Variants in CCDC149 observed in about 807,000 individuals in gnomAD.
CCDC149 encodes the protein coiled-coil domain containing 149.
A neutral mutation model predicts 59.9 loss-of-function variants in CCDC149; 45 were observed. The ratio of observed to expected loss-of-function variants is 0.75; its 90% CI spans 0.59 to 0.96. The LOEUF (loss-of-function observed/expected upper bound fraction) is 0.96. Among genes scored for constraint, CCDC149 ranks in the 40% least tolerant of loss-of-function variants. The pLI is 0.00. For missense variants in CCDC149, 584 were observed against 664.7 expected (o/e 0.88, Z 1.33); for synonymous variants, 245 against 260.6 (o/e 0.94, Z 0.58).
Position 24,822,522 on chromosome 4 carries a change from T to C in CCDC149, c.1017A>G (p.Glu339=), listed in dbSNP as rs1350077207. 2 of 1,538,702 alleles carry C rather than the reference T, an allele frequency of 1.3e-6. No individual in the cohort carries two copies. Among genetic ancestry groups the C allele is most frequent in the East Asian group, 2.5e-5 (1 of 39,974 alleles). The change falls in exon 10 of 13, where the codon GAA becomes GAG. Residue 339 remains glutamate, a synonymous_variant. Coordinates refer to ENST00000635206, the MANE Select transcript of CCDC149 (RefSeq NM_001330643.2). ...CTGGAAGACTCCACAAACCAGAAAC[T>C]TCCAGAGTTCTTAATTTTTTTTCCA...
intron 3 of CCDC149, among the ~76,000 whole-genome samples, chr4:24,863,052 G>A (rs978387967): frequency 2.6e-5 from 4 of 152,202 alleles, no homozygotes; most frequent in Non-Finnish European, 5.9e-5. Context: ...CAGCACTTTG[G>A]GGGGCTGAGG....
chr4:24,975,563 G>A (rs1364304013), intron 1 of CCDC149, among the ~76,000 whole-genome samples: 1 of 135,142 alleles, frequency 7.4e-6, no homozygotes, highest in Admixed American at 7.1e-5. Flanking sequence ...AAGGAGAGGA[G>A]AGGGGAGGGG....
intron 1 of CCDC149, among the ~76,000 whole-genome samples, chr4:24,900,394 C>T (rs899259549): frequency 2.6e-5 from 4 of 152,164 alleles, no homozygotes; most frequent in Non-Finnish European, 5.9e-5. Context: ...TAGAGCTATA[C>T]GTGGGCAGGC....
chr4:24,903,497 TAGAG>T (rs1040800546), intron 1 of CCDC149, among the ~76,000 whole-genome samples: 16 of 152,148 alleles, frequency 1.1e-4, no homozygotes, highest in African/African-American at 3.1e-4. Flanking sequence ...GCTCGGGAAT[TAGAG>T]AGGCAAGGAG....
upstream of CCDC149, among the ~76,000 whole-genome samples, chr4:24,917,994 G>A (rs1464952548): frequency 6.6e-6 from 1 of 151,936 alleles, no homozygotes; most frequent in East Asian, 1.9e-4. Flanking sequence ...GGGGGTCACT[G>A]GCCTCTCCTG....
intron 12 of CCDC149, 131 bp downstream of exon 12, chr4:24,819,728 A>G (rs1168003930): frequency 1.4e-6 from 1 of 739,288 alleles, no homozygotes; most frequent in African/African-American, 1.7e-5. Context: ...AACAAGAGGA[A>G]ATCTGAGGAA....
intron 4 of CCDC149, among the ~76,000 whole-genome samples, chr4:24,848,141 G>A (rs1717424933): frequency 6.6e-6 from 1 of 152,146 alleles, no homozygotes; most frequent in Non-Finnish European, 1.5e-5. Flanking sequence ...CCCTGCTGGA[G>A]AGATACAAAT....
In CCDC149 at chr4:24,835,463, G is replaced by A. The variant is rs184827429; in HGVS notation, c.736-431C>T. 4.6e-5 allele frequency among the ~76,000 whole-genome samples: 7 copies of A among 152,270 alleles called. No homozygotes were observed. In the South Asian group the frequency reaches 6.2e-4, roughly 14 times the overall value. On this transcript the variant is annotated intron_variant, in intron 7 of 12. Coordinates refer to ENST00000635206, the MANE Select transcript of CCDC149 (RefSeq NM_001330643.2). ...CCATGATCAATTAGTGATGTCTGCC[G>A]TGGATACAGATTAAGGAAGTACATA...
chr4:24,835,998 T>C (rs1277019108), intron 7 of CCDC149, among the ~76,000 whole-genome samples: 1 of 152,272 alleles, frequency 6.6e-6, no homozygotes, highest in African/African-American at 2.4e-5. Context: ...TGGTTTAGAC[T>C]GTGCCTTCCC....
intron 1 of CCDC149, among the ~76,000 whole-genome samples, chr4:24,959,214 T>A (rs1371099117): frequency 6.6e-6 from 1 of 152,158 alleles, no homozygotes; most frequent in Non-Finnish European, 1.5e-5. Flanking sequence ...GACCTTGTGA[T>A]CCATCCGCCT....
In CCDC149 at chr4:24,831,636, A is replaced by G; in HGVS notation, c.835T>C (p.Ser279Pro). The change falls in exon 9 of 13, where the codon TCT (serine) becomes CCT (proline). Residue 279 changes from serine to proline, a missense_variant. Coordinates refer to ENST00000635206, the MANE Select transcript of CCDC149 (RefSeq NM_001330643.2). ...GGGAGGCTGCATCCATGATCCTCAG[A>G]TAGCAGATCCTGAACTAGATAGGAT... The G allele has an allele frequency of 6.2e-7, 1 of 1,614,054 alleles. No individual in the cohort carries two copies. Among genetic ancestry groups the G allele is most frequent in the Non-Finnish European group, 8.5e-7 (1 of 1,179,968 alleles).
Position 24,963,911 on chromosome 4 carries a change from T to C in CCDC149, c.-65+16158A>G, listed in dbSNP as rs1723718247. On this transcript the variant is annotated intron_variant, in intron 1 of 12. Coordinates refer to the CCDC149 transcript ENST00000389609. ...GCACAGTGGCTCATGCCTATAATCC[T>C]AGCACTTTGGGAGGCCAAGGTAGGA... 2.0e-5 allele frequency among the ~76,000 whole-genome samples: 3 copies of C among 152,174 alleles called. 1 individual carries two copies. Among genetic ancestry groups the C allele is most frequent in the South Asian group, 4.1e-4 (2 of 4,828 alleles).
Position 24,881,614 on chromosome 4 carries a change from T to C in CCDC149, c.64-4917A>G, listed in dbSNP as rs553544164. Among the ~76,000 whole-genome samples the C allele has an allele frequency of 2.6e-5, 4 of 152,338 alleles. No homozygotes were observed. In the East Asian group the frequency reaches 7.7e-4, roughly 29 times the overall value. On this transcript the variant is annotated intron_variant, in intron 1 of 12. Coordinates refer to ENST00000635206, the MANE Select transcript of CCDC149 (RefSeq NM_001330643.2). ...TGTTACTGAAGCATAACTCAACCCATCCTGACTCATATGGTCTGCATCAAA... is the reference window on the plus strand; with the variant it reads ...TGTTACTGAAGCATAACTCAACCCACCCTGACTCATATGGTCTGCATCAAA...
intron 4 of CCDC149, among the ~76,000 whole-genome samples, chr4:24,851,904 T>G (rs768477823): frequency 8.5e-5 from 13 of 152,120 alleles, no homozygotes; most frequent in Admixed American, 3.3e-4. Flanking sequence ...TTCCTGGACA[T>G]TCTTTCCCAC....
chr4:24,956,004 C>T (rs1003355316), intron 1 of CCDC149, among the ~76,000 whole-genome samples: 2 of 152,178 alleles, frequency 1.3e-5, no homozygotes, highest in African/African-American at 4.8e-5. Context: ...CTTGAATCTT[C>T]ATCTAAGGAG....
At chr4:24,838,373 T>A in intron 4 of CCDC149, 101 bp from the exon 5 acceptor site, 1 of 805,080 alleles carries the variant, frequency 1.2e-6, no homozygotes, top group Non-Finnish European at 2.1e-6. Context: ...TAAGATACTT[T>A]CAAGAAATAC....
chr4:24,828,478 T>A (rs140727608), intron 9 of CCDC149: 4 of 151,982 alleles, frequency 2.6e-5, no homozygotes, highest in Non-Finnish European at 5.9e-5. Flanking sequence ...TAAATTAATA[T>A]TAAATTAAAA....
intron 1 of CCDC149, among the ~76,000 whole-genome samples, chr4:24,961,100 A>G (rs936497112): frequency 1.3e-5 from 2 of 152,224 alleles, no homozygotes; most frequent in African/African-American, 4.8e-5. Context: ...ACCAAACTAG[A>G]CCGTATTTTG....
chr4:24,968,339 G>T (rs1723864821), intron 1 of CCDC149, among the ~76,000 whole-genome samples: 1 of 152,230 alleles, frequency 6.6e-6, no homozygotes, highest in South Asian at 2.1e-4. Context: ...AGGATGGGCT[G>T]CAGTCATTGT....
Sources: gnomAD v4.1 joint callset for allele counts (sites outside exome capture counted in the v4.1 genomes callset) on GRCh38, gnomAD v4.1.1 for gene constraint, MANE v1.5 for transcripts, NCBI Gene and HGNC (gene_info 2026-07-23, HGNC 2026-07-21) for gene names.